The following MTA3 variants were observed in gnomAD, a reference collection of about 807,000 sequenced individuals.
The protein encoded by MTA3 is metastasis associated 1 family member 3.
In MTA3, 34 loss-of-function variants were observed where a neutral mutation model predicts 83.5. The ratio of observed to expected loss-of-function variants is 0.41; its 90% CI spans 0.31 to 0.54. The LOEUF (loss-of-function observed/expected upper bound fraction) is 0.54, where lower values mean the gene tolerates loss of function less well. MTA3 is among the 20% of genes least tolerant of loss of function. The probability of loss-of-function intolerance (pLI) is 0.33; values close to 1 mark genes in which losing one functional copy is unlikely to be tolerated. For missense variants in MTA3, 761 were observed against 726.4 expected, an observed-to-expected ratio of 1.05 and a Z score of -0.55; for synonymous variants, 303 against 252.7, an observed-to-expected ratio of 1.20 and a Z score of -1.89.
intron 4 of MTA3, among the ~76,000 whole-genome samples, chr2:42,617,332 T>C (rs1685021855): frequency 6.6e-6 from 1 of 152,222 alleles, no homozygotes; most frequent in Non-Finnish European, 1.5e-5. Context: ...TGTAGAAATA[T>C]ACATACTGAT....
At chr2:42,608,462 G>T (rs1291164661) in intron 3 of MTA3, among the ~76,000 whole-genome samples, 1 of 152,160 alleles carries the variant, frequency 6.6e-6, no homozygotes, top group Non-Finnish European at 1.5e-5. Flanking sequence ...CTAAGTTACT[G>T]TTTAAGGTTC....
chr2:42,681,581 C>T (rs1362890569), intron 8 of MTA3, among the ~76,000 whole-genome samples: 1 of 152,170 alleles, frequency 6.6e-6, no homozygotes. Context: ...GGCACAGTCA[C>T]AGCTGACTGC....
chr2:42,570,518 G>A lies in MTA3; in HGVS notation c.96+14G>A, dbSNP rs1435816515. The A allele has an allele frequency of 2.2e-6, 3 of 1,379,054 alleles. No individual in the cohort carries two copies. The highest frequency in any genetic ancestry group is 2.9e-6 in the Non-Finnish European group (3 of 1,027,768). 85.4% of individuals were successfully genotyped at this position (1,379,054 alleles called of 1,614,324 possible). A position where few individuals can be genotyped will look rare whatever the true frequency, so the allele number is the denominator to read the frequency against. On this transcript the variant is annotated intron_variant, in intron 2 of 16. Transcript: ENST00000405094. The stretch of plus-strand genomic sequence containing the variant: ...GAACTCAACAAGGTATACACTGAGT[G>A]TTCTTAATTTTAATATTAAAAATAT...
In MTA3 at chr2:42,579,154, A is replaced by C. The variant is rs367599475; in HGVS notation, c.144A>C (p.Arg48=). The change falls in exon 3 of 17, where the codon CGA becomes CGC. Residue 48 remains arginine (R), a synonymous_variant. Transcript: ENST00000405094. The stretch of plus-strand genomic sequence containing the variant: ...CAAAAGTAGTATGCTTTTATAGACG[A>C]CGTGATATTTCCAACACACTTATAA... The part of the protein sequence containing the change: ...VEAKVVCFYR[R]RDISNTLIML... The C allele has an allele frequency of 3.7e-6, 6 of 1,608,568 alleles. No individual in the cohort carries two copies. The African/African-American group carries it at 6.7e-5, about 18-fold the overall frequency.
chr2:42,655,137 T>C (rs902100459), intron 6 of MTA3, among the ~76,000 whole-genome samples: 17 of 152,210 alleles, frequency 1.1e-4, no homozygotes, highest in Admixed American at 7.2e-4. Context: ...GAGGAAATTA[T>C]AAACCATGAC....
At chr2:42,523,533 C>A (rs973220273) in intron 2 of MTA3, among the ~76,000 whole-genome samples, 1 of 152,128 alleles carries the variant, frequency 6.6e-6, no homozygotes, top group African/African-American at 2.4e-5. Context: ...AGCTGCCTGC[C>A]GACCTAGACG....
intron 3 of MTA3, among the ~76,000 whole-genome samples, chr2:42,595,070 T>C (rs373256074): frequency 1.0e-4 from 14 of 138,684 alleles, no homozygotes; most frequent in Admixed American, 3.9e-4. Context: ...TCTATTCTTA[T>C]TCAAAACCAA....
At chr2:42,650,023 A>AT (rs1472807752) in intron 6 of MTA3, among the ~76,000 whole-genome samples, 1 of 152,048 alleles carries the variant, frequency 6.6e-6, no homozygotes, top group East Asian at 1.9e-4. Flanking sequence ...GTTTTATCCT[A>AT]TTTTTTCATA....
chr2:42,510,780 G>T (rs750867061), intron 2 of MTA3, among the ~76,000 whole-genome samples: 1 of 152,146 alleles, frequency 6.6e-6, no homozygotes, highest in Non-Finnish European at 1.5e-5. Flanking sequence ...AGACAGGAAG[G>T]AAGTGGGAGA....
At chr2:42,646,952 C>T (rs1162338810) in intron 6 of MTA3, among the ~76,000 whole-genome samples, 4 of 151,432 alleles carry the variant, frequency 2.6e-5, no homozygotes, top group Non-Finnish European at 5.9e-5. Context: ...GTCAGGCGAT[C>T]GAGACCATCC....
chr2:42,621,057 T>C (rs1685478342), intron 4 of MTA3, among the ~76,000 whole-genome samples: 1 of 149,894 alleles, frequency 6.7e-6, no homozygotes, highest in Admixed American at 6.7e-5. Context: ...ATTTGTCAGT[T>C]ATACCTCAGT....
Position 42,616,572 on chromosome 2 carries a change from C to CTTTTTTTTT in MTA3, c.317+7004_317+7012dup, listed in dbSNP as rs70963338. On this transcript the variant is annotated intron_variant, in intron 4 of 16. Transcript: ENST00000405094. ...ATTTGATTAATCTCTTCTTCTTCTT[C>CTTTTTTTTT]TTTTTTTTTTTTTTTTTTTTTTTTG... 1.6e-3 allele frequency among the ~76,000 whole-genome samples: 91 copies of CTTTTTTTTT among 56,214 alleles called. 3 individuals carry two copies. Among genetic ancestry groups the CTTTTTTTTT allele is most frequent in the Non-Finnish European group, 2.0e-3 (66 of 33,034 alleles). The allele number at this position is 56,214 out of a possible 152,430, so 36.9% of individuals were successfully genotyped here. A position where few individuals can be genotyped will look rare whatever the true frequency, so the allele number is the denominator to read the frequency against.
chr2:42,625,417 C>A (rs184154408), intron 4 of MTA3, among the ~76,000 whole-genome samples: 1 of 151,384 alleles, frequency 6.6e-6, no homozygotes, highest in African/African-American at 2.4e-5. Context: ...TCTAGCACGT[C>A]TAGTGATATT....
At position 42,723,014 on chromosome 2, in the gene MTA3, A is replaced by G; in HGVS notation, c.1738A>G (p.Ser580Gly). 1 of 1,550,882 alleles carries G rather than the reference A, an allele frequency of 6.4e-7. No homozygotes were observed. Residue 580 changes from serine to glycine, a missense_variant, in exon 16 of 17, where the codon AGT (serine) becomes GGT (glycine). Coordinates refer to ENST00000405094, the MANE Select transcript of MTA3 (RefSeq NM_001330442.2). ...GAGCATTCTGGGGAAAAGAAACTAC[A>G]GTCATCACAATGGTCTGGATGGTAT... ...SLSILGKRNY[S>G]HHNGLDELTC...
intron 4 of MTA3, among the ~76,000 whole-genome samples, chr2:42,629,098 G>C (rs1381642782): frequency 6.6e-6 from 1 of 151,920 alleles, no homozygotes; most frequent in Non-Finnish European, 1.5e-5. Context: ...TATATTTTTT[G>C]AGACGGAGTC....
chr2:42,644,144 A>G lies in MTA3; in HGVS notation c.399A>G (p.Ser133=), dbSNP rs754061030. The G allele has an allele frequency of 1.2e-6, 2 of 1,604,474 alleles. No individual in the cohort carries two copies. Among genetic ancestry groups the G allele is most frequent in the East Asian group, 2.3e-5 (1 of 44,328 alleles). The change falls in exon 6 of 17, where the codon TCA becomes TCG. Residue 133 remains serine, a synonymous_variant. Coordinates refer to ENST00000405094, the MANE Select transcript of MTA3 (RefSeq NM_001330442.2). ...TTTTTCAGGATACCTTCTTCTACTC[A>G]TTGGTCTATGACCCCTCATTGAAAA... is the stretch of plus-strand genomic sequence containing the variant. ...YLDKEDTFFY[S]LVYDPSLKTL...
rs754149404 is a variant in MTA3 at position 42,640,228 on chromosome 2, G to C, written c.373G>C (p.Asp125His). The change falls in exon 5 of 17, where the codon GAT (aspartate) becomes CAT (histidine). Residue 125 changes from aspartate (D) to histidine (H), a missense_variant. By Grantham distance (81) the Asp-to-His change is moderately conservative. Transcript: ENST00000405094. ...GACAGAATCAGTATTGTCATATCTT[G>C]ATAAGGAGGTAATTCACAATCATAG... ...NETESVLSYL[D>H]KEDTFFYSLV... is the part of the protein sequence containing the mutation. 4 of 1,603,374 alleles carry C rather than the reference G, an allele frequency of 2.5e-6. No individual in the cohort carries two copies. Among genetic ancestry groups the C allele is most frequent in the Non-Finnish European group, 2.6e-6 (3 of 1,175,128 alleles).
chr2:42,570,065 A>G (rs1678294440), intron 1 of MTA3, among the ~76,000 whole-genome samples: 1 of 152,014 alleles, frequency 6.6e-6, no homozygotes, highest in Non-Finnish European at 1.5e-5. Flanking sequence ...AGCAGCCTGC[A>G]GGGCAAATTG....
chr2:42,605,842 T>C (rs1470017573), intron 3 of MTA3, among the ~76,000 whole-genome samples: 1 of 127,022 alleles, frequency 7.9e-6, no homozygotes, highest in East Asian at 2.5e-4. Flanking sequence ...GGTGGAGGGC[T>C]GACCCCCCCA....
Sources: allele counts gnomAD v4.1 joint callset (sites outside exome capture counted in the v4.1 genomes callset), GRCh38; gene constraint gnomAD v4.1.1; transcripts MANE v1.5; gene names NCBI Gene and HGNC (gene_info 2026-07-23, HGNC 2026-07-21).